The following PACS1 variants were observed in gnomAD, a reference collection of about 807,000 sequenced individuals.
PACS1 encodes the protein phosphofurin acidic cluster sorting protein 1, also known as PACS-1.
A neutral mutation model predicts 115.0 loss-of-function variants in PACS1; 24 were observed. That is an observed-to-expected ratio of 0.21 (90% CI 0.15 to 0.29). PACS1 has a LOEUF of 0.29. Ranked by LOEUF, PACS1 falls within the 10% of genes least tolerant of loss-of-function variation. The pLI, the probability that PACS1 is intolerant of heterozygous loss-of-function variation, is 1.00. For synonymous variants in PACS1, 453 were observed against 504.5 expected (o/e 0.90, Z 1.37); for missense variants, 838 against 1,251.2 (o/e 0.67, Z 4.98).
At chr11:66,238,398 C>G (rs1855745413) in intron 19 of PACS1, 1 of 951,436 alleles carries the variant, frequency 1.1e-6, no homozygotes, top group East Asian at 1.0e-4. Flanking sequence ...TCTCGCATGC[C>G]CCATCTCATT....
intron 1 of PACS1, among the ~76,000 whole-genome samples, chr11:66,166,453 C>G (rs1309705577): frequency 6.6e-6 from 1 of 151,292 alleles, no homozygotes; most frequent in Non-Finnish European, 1.5e-5. Flanking sequence ...AGCCTGATGT[C>G]ACATCTTACA....
intron 1 of PACS1, among the ~76,000 whole-genome samples, chr11:66,090,427 C>T (rs926276301): frequency 1.3e-5 from 2 of 151,950 alleles, no homozygotes; most frequent in East Asian, 3.9e-4. Flanking sequence ...CCCGTGCTGC[C>T]ACACCCAGCT....
At chr11:66,199,054 G>A (rs934601568) in intron 2 of PACS1, among the ~76,000 whole-genome samples, 1 of 152,128 alleles carries the variant, frequency 6.6e-6, no homozygotes, top group African/African-American at 2.4e-5. Flanking sequence ...GGTGGCTCAC[G>A]CCTATAATCC....
chr11:66,121,024 C>T (rs1393122654), intron 1 of PACS1: 1 of 456,168 alleles, frequency 2.2e-6, no homozygotes, highest in African/African-American at 2.0e-5. Context: ...TTCACAGATG[C>T]TGCATTTTTT....
At chr11:66,108,641 T>A (rs548426842) in intron 1 of PACS1, among the ~76,000 whole-genome samples, 1 of 152,292 alleles carries the variant, frequency 6.6e-6, no homozygotes, top group East Asian at 1.9e-4. Context: ...GGTATGTACC[T>A]GTAGTCCAAG....
At chr11:66,215,583 G>A (rs1394868672) in intron 4 of PACS1, among the ~76,000 whole-genome samples, 2 of 151,736 alleles carry the variant, frequency 1.3e-5, no homozygotes, top group Admixed American at 6.6e-5. Context: ...CTGGGTGACA[G>A]AGTGAGACCC....
chr11:66,130,934 A>G lies in PACS1; in HGVS notation c.356+60092A>G, dbSNP rs189132531. ...AGAAATTAAAAACTTAGTTGAGCAC[A>G]GTGGCATGTGCCTGTGGTCCCAGCT... On this transcript the variant is annotated intron_variant, in intron 1 of 23. Coordinates refer to ENST00000320580, the MANE Select transcript of PACS1 (RefSeq NM_018026.4). 1.3e-4 allele frequency among the ~76,000 whole-genome samples: 20 copies of G among 152,018 alleles called. No individual in the cohort carries two copies. In the East Asian group the frequency reaches 3.5e-3, roughly 26 times the overall value.
chr11:66,224,164 C>A (rs1855419597), intron 10 of PACS1, among the ~76,000 whole-genome samples: 1 of 147,144 alleles, frequency 6.8e-6, no homozygotes, highest in Admixed American at 6.9e-5. Flanking sequence ...CCACTGCACT[C>A]CAGCCTGGGT....
chr11:66,140,528 G>A lies in PACS1; in HGVS notation c.357-52958G>A, dbSNP rs544629009. On this transcript the variant is annotated intron_variant, in intron 1 of 23. Transcript: ENST00000320580. ...ATGGCTGAGAGAGGGATGCCCACTGGGTAGAACACTTTGTTTCGTTTTTTT... is the reference window on the plus strand; with the variant it reads ...ATGGCTGAGAGAGGGATGCCCACTGAGTAGAACACTTTGTTTCGTTTTTTT... Among the ~76,000 whole-genome samples the A allele has an allele frequency of 2.6e-5, 4 of 152,150 alleles. 1 individual carries two copies. Among genetic ancestry groups the A allele is most frequent in the African/African-American group, 9.6e-5 (4 of 41,494 alleles).
chr11:66,181,015 A>T (rs554518314), intron 1 of PACS1, among the ~76,000 whole-genome samples: 2 of 152,196 alleles, frequency 1.3e-5, no homozygotes, highest in African/African-American at 4.8e-5. Flanking sequence ...CCAGAGTTTT[A>T]TGTAAGTAAC....
chr11:66,159,675 A>G (rs967800430), intron 1 of PACS1, among the ~76,000 whole-genome samples: 2 of 152,146 alleles, frequency 1.3e-5, no homozygotes, highest in Non-Finnish European at 2.9e-5. Context: ...GTGTTGATCA[A>G]TCCACCCTTA....
chr11:66,101,631 G>A lies in PACS1; in HGVS notation c.356+30789G>A, dbSNP rs145175350. On this transcript the variant is annotated intron_variant, in intron 1 of 23. Transcript: ENST00000320580. ...GTATTCCTGGGGTCTTCAACCTGATGTGTCATCGAAGTGGGTGGGAAGTTG... is the reference window on the plus strand; with the variant it reads ...GTATTCCTGGGGTCTTCAACCTGATATGTCATCGAAGTGGGTGGGAAGTTG... 3.2e-4 allele frequency among the ~76,000 whole-genome samples: 48 copies of A among 152,328 alleles called. 1 individual carries two copies. The highest frequency in any genetic ancestry group is 1.1e-3 in the African/African-American group (45 of 41,574).
intron 11 of PACS1, chr11:66,230,234 G>T (rs1590836651): frequency 6.0e-6 from 2 of 331,646 alleles, no homozygotes; most frequent in Non-Finnish European, 1.1e-5. Flanking sequence ...CCAGGGAGAT[G>T]CATCTAGGGG....
intron 1 of PACS1, among the ~76,000 whole-genome samples, chr11:66,189,852 G>A (rs117363851): frequency 8.5e-5 from 13 of 152,282 alleles, no homozygotes; most frequent in Non-Finnish European, 1.5e-4. Flanking sequence ...AGTTATCCTC[G>A]TCATACCCAA....
chr11:66,211,029 T>C lies in PACS1; in HGVS notation c.535-105T>C, dbSNP rs1178992756. ...CCTTTCAACCCTGACTGCCCCCTTT[T>C]AGAGACAGGAAGAATTGAAGCACAG... On this transcript the variant is annotated intron_variant, in intron 3 of 23. Coordinates refer to ENST00000320580, the MANE Select transcript of PACS1 (RefSeq NM_018026.4). 4.4e-6 allele frequency: 6 copies of C among 1,352,970 alleles called. No individual in the cohort carries two copies. In the East Asian group the frequency reaches 1.4e-4, roughly 32 times the overall value. 83.8% of individuals were successfully genotyped at this position (1,352,970 alleles called of 1,614,324 possible).
intron 21 of PACS1, among the ~76,000 whole-genome samples, chr11:66,239,953 C>T (rs1855778288): frequency 6.6e-6 from 1 of 152,256 alleles, no homozygotes; most frequent in Admixed American, 6.5e-5. Context: ...CCCAGGAGTT[C>T]AAAGCTAGGC....
intron 7 of PACS1, 87 bp downstream of exon 7, chr11:66,216,862 C>CTTATTTTTTTTTTTTTTTT: frequency 5.9e-6 from 5 of 849,822 alleles, no homozygotes; most frequent in Non-Finnish European, 7.8e-6. Context: ...CTAGTGGAGA[C>CTTATTTTTTTTTTTTTTTT]TTCTTAAAAT....
intron 1 of PACS1, among the ~76,000 whole-genome samples, chr11:66,073,726 G>A (rs765513047): frequency 8.5e-5 from 13 of 152,092 alleles, no homozygotes; most frequent in Middle Eastern, 3.4e-3. Flanking sequence ...GAATGAAATT[G>A]TTCTGTTGAT....
chr11:66,189,886 G>A (rs1241563647), intron 1 of PACS1, among the ~76,000 whole-genome samples: 1 of 152,158 alleles, frequency 6.6e-6, no homozygotes, highest in African/African-American at 2.4e-5. Flanking sequence ...GAGAAACTAG[G>A]GGAAAGGCAC....
Sources: gnomAD v4.1 joint callset for allele counts (sites outside exome capture counted in the v4.1 genomes callset) on GRCh38, gnomAD v4.1.1 for gene constraint, MANE v1.5 for transcripts, NCBI Gene and HGNC (gene_info 2026-07-23, HGNC 2026-07-21) for gene names.